Variants in DSCAML1 observed in about 807,000 individuals in gnomAD.
DSCAML1 encodes the protein cell adhesion molecule DSCAML1.
Under a neutral mutation model 200.5 loss-of-function variants are expected in DSCAML1, and 38 were observed. That is an observed-to-expected ratio of 0.19 (90% CI 0.15 to 0.25). The LOEUF (loss-of-function observed/expected upper bound fraction) is 0.25, where lower values mean the gene tolerates loss of function less well. Ranked by LOEUF, DSCAML1 falls within the 10% of genes least tolerant of loss-of-function variation. The pLI is 1.00. For synonymous variants in DSCAML1, 1,215 were observed against 1,165.0 expected, an observed-to-expected ratio of 1.04 and a Z score of -0.87; for missense variants, 2,223 against 2,858.8, an observed-to-expected ratio of 0.78 and a Z score of 5.07.
chr11:117,430,427 C>T (rs566946221), intron 32 of DSCAML1, among the ~76,000 whole-genome samples: 30 of 152,290 alleles, frequency 2.0e-4, no homozygotes, highest in African/African-American at 7.0e-4. Flanking sequence ...TTTCTAATGC[C>T]CATTATGACA....
Position 117,437,385 on chromosome 11 carries a change from T to A in DSCAML1, c.4457A>T (p.His1486Leu). ...GREPSFSKDQ[H>L]LFTHINSTHA... is the part of the protein sequence containing the mutation. The stretch of plus-strand genomic sequence containing the variant: ...CGTGGAGTTGATGTGGGTGAAGAGG[T>A]GTTGGTCTTTGCTGAAGGAGGGCTC... The change falls in exon 26 of 33, where the codon CAC becomes CTC. Residue 1486 changes from histidine to leucine, a missense_variant. Around this residue, in one of 7 missense-constraint regions of DSCAML1, gnomAD observed 614 missense variants for 739.1 expected, o/e 0.83. Coordinates refer to ENST00000651296, the MANE Select transcript of DSCAML1 (RefSeq NM_020693.4). This position sits in a 1 kb window ranked among gnomAD's most constrained non-coding sequence, Gnocchi z 5.3. 3 of 1,612,346 alleles carry A rather than the reference T, an allele frequency of 1.9e-6. No individual in the cohort carries two copies. The highest frequency in any genetic ancestry group is 2.5e-6 in the Non-Finnish European group (3 of 1,178,852).
At chr11:117,501,512 C>T (rs1051302500) in intron 11 of DSCAML1, among the ~76,000 whole-genome samples, 3 of 152,184 alleles carry the variant, frequency 2.0e-5, no homozygotes, top group Non-Finnish European at 4.4e-5. Context: ...CCTTCGATGT[C>T]CTTGGCCCTG....
rs1410417645 is a variant in DSCAML1 at position 117,780,171 on chromosome 11, GA to G, written c.364+321del. Among the ~76,000 whole-genome samples, 1 of 96,274 alleles carries G rather than the reference GA, an allele frequency of 1.0e-5. No homozygotes were observed. The highest frequency in any genetic ancestry group is 4.1e-5 in the African/African-American group (1 of 24,382). 63.2% of individuals were successfully genotyped at this position (96,274 alleles called of 152,430 possible). Reference sequence around the variant, plus strand: ...AGAGAGAGAGAGAGAAAGAAAGAAAGAAAAAAAGAAAAAAAGAAAGAAAGAA... The same window carrying G: ...AGAGAGAGAGAGAGAAAGAAAGAAAGAAAAAAGAAAAAAAGAAAGAAAGAA... On this transcript the variant is annotated intron_variant, in intron 2 of 32. Coordinates refer to ENST00000651296, the MANE Select transcript of DSCAML1 (RefSeq NM_020693.4). The surrounding 1 kb of genome is among the most constrained non-coding windows in gnomAD (Gnocchi z 4.8).
intron 3 of DSCAML1, among the ~76,000 whole-genome samples, chr11:117,689,397 AT>A (rs542287072): frequency 2.8e-3 from 434 of 152,364 alleles, no homozygotes; most frequent in Non-Finnish European, 5.0e-3. Flanking sequence ...AGCCTGTCTG[AT>A]AACACAAACC....
intron 1 of DSCAML1, among the ~76,000 whole-genome samples, chr11:117,787,030 A>G (rs900723151): frequency 2.6e-5 from 4 of 152,192 alleles, no homozygotes; most frequent in African/African-American, 7.2e-5. Flanking sequence ...GTGACTGTCT[A>G]GTCACCACTC....
At chr11:117,590,137 C>T (rs1187244803) in intron 3 of DSCAML1, among the ~76,000 whole-genome samples, 1 of 152,120 alleles carries the variant, frequency 6.6e-6, no homozygotes, top group African/African-American at 2.4e-5. Flanking sequence ...TATCCATGAA[C>T]CCATGGGCTT....
At chr11:117,479,426 G>A (rs983901977) in intron 14 of DSCAML1, among the ~76,000 whole-genome samples, 4 of 152,196 alleles carry the variant, frequency 2.6e-5, no homozygotes, top group Non-Finnish European at 5.9e-5. Context: ...AGGTACGAAG[G>A]ATCCAGAGTG....
chr11:117,435,504 A>G, intron 27 of DSCAML1, 140 bp downstream of exon 27: 1 of 991,990 alleles, frequency 1.0e-6, no homozygotes, highest in Non-Finnish European at 1.4e-6. Context: ...GGTTTCAGAA[A>G]GTCTGAGTGG....
chr11:117,534,419 T>G (rs570353672), intron 3 of DSCAML1, among the ~76,000 whole-genome samples: 3 of 152,206 alleles, frequency 2.0e-5, no homozygotes, highest in East Asian at 1.9e-4. Flanking sequence ...ATTCCAAAGT[T>G]GACTTTTAGA....
chr11:117,571,153 G>A (rs528008080), intron 3 of DSCAML1, among the ~76,000 whole-genome samples: 5 of 152,356 alleles, frequency 3.3e-5, no homozygotes, highest in East Asian at 3.9e-4. Flanking sequence ...GAGGGATCAC[G>A]CCTGTGCCCA....
chr11:117,440,649 C>T (rs75343916), intron 21 of DSCAML1, among the ~76,000 whole-genome samples: 21,781 of 152,072 alleles, frequency 0.14, 1,820 homozygotes, highest in South Asian at 0.33. Flanking sequence ...TGGTGGCTCA[C>T]GCCTGTAATC....
At chr11:117,560,360 C>T (rs1213620547) in intron 3 of DSCAML1, among the ~76,000 whole-genome samples, 2 of 152,170 alleles carry the variant, frequency 1.3e-5, no homozygotes, top group African/African-American at 4.8e-5. Flanking sequence ...AGAAACAGCC[C>T]TGTAGCCACT....
rs538276522 is a variant in DSCAML1, at chr11:117,612,727, T to C, written c.512-80205A>G. On this transcript the variant is annotated intron_variant, in intron 3 of 32. Coordinates refer to ENST00000651296, the MANE Select transcript of DSCAML1 (RefSeq NM_020693.4). ...GTGTGCCCAGGGCCAAACCAGCCTA[T>C]CTCTCCTGGTGGGATGGGCATCGTC... is the stretch of plus-strand genomic sequence containing the variant. 3.3e-5 allele frequency among the ~76,000 whole-genome samples: 5 copies of C among 152,268 alleles called. No homozygotes were observed. In the South Asian group the frequency reaches 1.0e-3, roughly 32 times the overall value.
At chr11:117,432,248 T>C in intron 30 of DSCAML1, 104 bp downstream of exon 30, 2 of 1,318,270 alleles carry the variant, frequency 1.5e-6, no homozygotes, top group Non-Finnish European at 2.0e-6. Flanking sequence ...TTCTATTCCA[T>C]TAAGCTCCCT....
chr11:117,619,170 C>T (rs1178438126), intron 3 of DSCAML1, among the ~76,000 whole-genome samples: 1 of 152,228 alleles, frequency 6.6e-6, no homozygotes, highest in Non-Finnish European at 1.5e-5. Flanking sequence ...CCAAGTCGGC[C>T]CAGTGCTCAG....
chr11:117,525,903 C>G (rs1243182549), intron 4 of DSCAML1, among the ~76,000 whole-genome samples: 1 of 152,212 alleles, frequency 6.6e-6, no homozygotes, highest in Non-Finnish European at 1.5e-5. Flanking sequence ...TGCCTAAACT[C>G]TGGACAGATT....
At chr11:117,649,763 CA>C (rs983534543) in intron 3 of DSCAML1, among the ~76,000 whole-genome samples, 2 of 152,246 alleles carry the variant, frequency 1.3e-5, no homozygotes, top group Non-Finnish European at 1.5e-5. Flanking sequence ...AACCTGTTCT[CA>C]ACCTACCTTT....
chr11:117,460,909 C>G (rs1170879788), intron 18 of DSCAML1, among the ~76,000 whole-genome samples: 1 of 152,076 alleles, frequency 6.6e-6, no homozygotes, highest in Non-Finnish European at 1.5e-5. Context: ...CTCCCTCTCC[C>G]CCTTGGCCTT....
upstream of DSCAML1, among the ~76,000 whole-genome samples, chr11:117,797,567 C>T (rs528120341): frequency 9.8e-5 from 15 of 152,334 alleles, no homozygotes; most frequent in East Asian, 2.9e-3. Context: ...AGCTTCCTGC[C>T]TCTTTCGGAC....
Sources: gnomAD v4.1 joint callset for allele counts (sites outside exome capture counted in the v4.1 genomes callset) on GRCh38, gnomAD v4.1.1 for gene constraint, gnomAD v4.1.1 regional missense constraint, Gnocchi (gnomAD v3.1) non-coding constraint, MANE v1.5 for transcripts, NCBI Gene and HGNC (gene_info 2026-07-23, HGNC 2026-07-21) for gene names.